Variants in SAMD4A observed in about 807,000 individuals in gnomAD.
SAMD4A encodes the protein protein Smaug homolog 1.
A neutral mutation model predicts 81.3 loss-of-function variants in SAMD4A; 33 were observed. That is an observed-to-expected ratio of 0.41 (90% CI 0.31 to 0.54). The LOEUF is 0.54. SAMD4A is among the 20% of genes least tolerant of loss of function. SAMD4A has a pLI of 0.37. For missense variants in SAMD4A, 854 were observed against 951.1 expected (o/e 0.90, Z 1.34); for synonymous variants, 389 against 382.1 (o/e 1.02, Z -0.21).
intron 2 of SAMD4A, among the ~76,000 whole-genome samples, chr14:54,666,089 C>T (rs780555678): frequency 6.6e-6 from 1 of 152,082 alleles, no homozygotes. Context: ...CATCCTTGAC[C>T]AAGCAGGACT....
At chr14:54,574,998 A>G (rs1215153405) in intron 2 of SAMD4A, among the ~76,000 whole-genome samples, 1 of 152,178 alleles carries the variant, frequency 6.6e-6, no homozygotes, top group Non-Finnish European at 1.5e-5. Context: ...TGCAGAAATG[A>G]AAGAGACTGT....
rs558102625 is a variant in SAMD4A, at chr14:54,765,249, C to G, written c.1596+709C>G. On this transcript the variant is annotated intron_variant, in intron 8 of 12. Transcript: ENST00000554335. ...CCCTCCCCACAAAGAGCTACAGCAG[C>G]AAGGCCTAGACTAGAGAAAACTTGG... Among the ~76,000 whole-genome samples, 28 of 152,224 alleles carry G rather than the reference C, an allele frequency of 1.8e-4. 1 individual carries two copies. In the South Asian group the frequency reaches 5.8e-3, roughly 32 times the overall value.
intron 3 of SAMD4A, 35 bp from the exon 4 acceptor site, chr14:54,736,989 G>C (rs2037711265): frequency 3.7e-6 from 6 of 1,606,746 alleles, no homozygotes; most frequent in South Asian, 1.1e-5. Context: ...ATAAAGGGGG[G>C]GGAATAACCT....
chr14:54,718,785 C>A (rs2140848599), intron 3 of SAMD4A, among the ~76,000 whole-genome samples: 1 of 152,102 alleles, frequency 6.6e-6, no homozygotes, highest in Admixed American at 6.5e-5. Context: ...AGGCAGATCA[C>A]CTGAGTTCAG....
intron 2 of SAMD4A, among the ~76,000 whole-genome samples, chr14:54,605,646 T>C (rs1178430153): frequency 6.6e-6 from 1 of 152,194 alleles, no homozygotes; most frequent in African/African-American, 2.4e-5. Flanking sequence ...GCCAAAGGCA[T>C]TGTTTTTTTA....
chr14:54,738,051 C>T (rs375350100), intron 4 of SAMD4A, among the ~76,000 whole-genome samples: 2 of 152,228 alleles, frequency 1.3e-5, no homozygotes, highest in East Asian at 3.8e-4. Flanking sequence ...TCCACTTGTA[C>T]AAGGGCTGGG....
At chr14:54,764,572 T>A in intron 8 of SAMD4A, 32 bp downstream of exon 8, 1 of 1,401,288 alleles carries the variant, frequency 7.1e-7, no homozygotes, top group Non-Finnish European at 1.0e-6. Context: ...AAAACCATTT[T>A]TTTTTTATTG....
At chr14:54,660,555 A>G (rs938481048) in intron 2 of SAMD4A, among the ~76,000 whole-genome samples, 2 of 152,210 alleles carry the variant, frequency 1.3e-5, no homozygotes, top group Non-Finnish European at 2.9e-5. Context: ...GAAAGACTGG[A>G]GACAGACTTT....
At chr14:54,647,530 A>C (rs2035311893) in intron 2 of SAMD4A, among the ~76,000 whole-genome samples, 1 of 152,226 alleles carries the variant, frequency 6.6e-6, no homozygotes, top group Non-Finnish European at 1.5e-5. Context: ...AAAACCATTC[A>C]ATCTAAAATA....
At chr14:54,635,648 T>C (rs2035017866) in intron 2 of SAMD4A, among the ~76,000 whole-genome samples, 1 of 150,928 alleles carries the variant, frequency 6.6e-6, no homozygotes, top group Admixed American at 6.6e-5. Flanking sequence ...CTTGGGAGGC[T>C]GAGGCAAGAG....
chr14:54,635,561 C>A (rs1298624300), intron 2 of SAMD4A, among the ~76,000 whole-genome samples: 3 of 151,806 alleles, frequency 2.0e-5, no homozygotes, highest in Non-Finnish European at 4.4e-5. Context: ...ACCAGCCTGG[C>A]CAACATGACA....
chr14:54,728,471 T>C (rs558126852), intron 3 of SAMD4A, among the ~76,000 whole-genome samples: 14 of 152,260 alleles, frequency 9.2e-5, no homozygotes, highest in African/African-American at 3.4e-4. Flanking sequence ...CAGGAGAGCC[T>C]AAACCATCCA....
intron 2 of SAMD4A, among the ~76,000 whole-genome samples, chr14:54,646,373 G>A (rs964936947): frequency 6.6e-6 from 1 of 152,214 alleles, no homozygotes; most frequent in Non-Finnish European, 1.5e-5. Context: ...TACTTCCCGT[G>A]CTCTGGCACC....
At chr14:54,618,530 A>G (rs1477807460) in intron 2 of SAMD4A, among the ~76,000 whole-genome samples, 1 of 152,254 alleles carries the variant, frequency 6.6e-6, no homozygotes, top group Non-Finnish European at 1.5e-5. Flanking sequence ...CTAAGCATTT[A>G]TCAAATTTCT....
In SAMD4A at chr14:54,595,517, C is replaced by T. The variant is rs190467366; in HGVS notation, c.196+27405C>T. Among the ~76,000 whole-genome samples, 71 of 151,280 alleles carry T rather than the reference C, an allele frequency of 4.7e-4. No individual in the cohort carries two copies. In the East Asian group the frequency reaches 0.012, roughly 26 times the overall value. On this transcript the variant is annotated intron_variant, in intron 2 of 12. Transcript: ENST00000554335. ...AACTAAAAAAATCTAGTAAGGCAGACTAATGTCCTTACACTCCTAACTACA... is the reference window on the plus strand; with the variant it reads ...AACTAAAAAAATCTAGTAAGGCAGATTAATGTCCTTACACTCCTAACTACA...
chr14:54,745,463 TC>T, intron 4 of SAMD4A, among the ~76,000 whole-genome samples: 1 of 152,268 alleles, frequency 6.6e-6, no homozygotes, highest in South Asian at 2.1e-4. Context: ...TGCCCCTCGC[TC>T]CCCATGGCAA....
intron 2 of SAMD4A, among the ~76,000 whole-genome samples, chr14:54,587,131 G>A (rs918179254): frequency 2.0e-5 from 3 of 152,036 alleles, no homozygotes; most frequent in African/African-American, 7.2e-5. Flanking sequence ...TTTCCTTATA[G>A]GGATCTTTCA....
chr14:54,567,626 T>G lies in SAMD4A; in HGVS notation c.-291T>G. On this transcript the variant is annotated 5_prime_UTR_variant, in exon 2 of 13. Transcript: ENST00000554335. ...GGGGAGAAAGCATTCTTCATTCAGT[T>G]GTGTGCCTTGTGGGGGATTTTTAAA... 1 of 427,906 alleles carries G rather than the reference T, an allele frequency of 2.3e-6. No individual in the cohort carries two copies. Among genetic ancestry groups the G allele is most frequent in the Non-Finnish European group, 4.1e-6 (1 of 242,038 alleles). 26.5% of individuals were successfully genotyped at this position (427,906 alleles called of 1,614,324 possible). A position where few individuals can be genotyped will look rare whatever the true frequency, so the allele number is the denominator to read the frequency against.
At chr14:54,569,419 A>G (rs2033063095) in intron 2 of SAMD4A, among the ~76,000 whole-genome samples, 1 of 152,190 alleles carries the variant, frequency 6.6e-6, no homozygotes, top group East Asian at 1.9e-4. Flanking sequence ...TCCTGACCAG[A>G]CAGGACTGCA....
Sources: gnomAD v4.1 joint callset for allele counts (sites outside exome capture counted in the v4.1 genomes callset) on GRCh38, gnomAD v4.1.1 for gene constraint, MANE v1.5 for transcripts, NCBI Gene and HGNC (gene_info 2026-07-23, HGNC 2026-07-21) for gene names.